ZNF438: variants seen among roughly 807,000 people sequenced by gnomAD.
ZNF438 encodes the protein zinc finger protein 438.
A neutral mutation model predicts 38.0 loss-of-function variants in ZNF438; 25 were observed. That is an observed-to-expected ratio of 0.66 (90% CI 0.48 to 0.92). The LOEUF (loss-of-function observed/expected upper bound fraction) is 0.92. ZNF438 is among the 40% of genes least tolerant of loss of function. The pLI, the probability that ZNF438 is intolerant of heterozygous loss-of-function variation, is 0.00. For synonymous variants in ZNF438, 372 were observed against 364.1 expected (o/e 1.02, Z -0.25); for missense variants, 1,007 against 999.6 (o/e 1.01, Z -0.10).
intron 1 of ZNF438, among the ~76,000 whole-genome samples, chr10:31,026,365 A>G (rs544370529): frequency 2.2e-4 from 32 of 148,752 alleles, no homozygotes; most frequent in South Asian, 1.3e-3. Flanking sequence ...AATATCCACA[A>G]TCTACAAAGA....
chr10:30,922,551 C>T (rs2044420883), intron 2 of ZNF438, among the ~76,000 whole-genome samples: 1 of 152,160 alleles, frequency 6.6e-6, no homozygotes, highest in Non-Finnish European at 1.5e-5. Flanking sequence ...AAACCATTGT[C>T]AGCCAGAAGC....
intron 3 of ZNF438, among the ~76,000 whole-genome samples, chr10:30,894,852 T>C (rs1396624450): frequency 6.6e-6 from 1 of 152,238 alleles, no homozygotes; most frequent in Admixed American, 6.5e-5. Context: ...ACAGTCTTGA[T>C]AGTCTATAAC....
chr10:30,848,015 G>A (rs1051410926), intron 5 of ZNF438, among the ~76,000 whole-genome samples: 8 of 152,204 alleles, frequency 5.3e-5, no homozygotes, highest in African/African-American at 1.7e-4. Flanking sequence ...AGAGGTTTCC[G>A]GCTGGTGAAA....
At chr10:31,000,472 C>A (rs1220899598) in intron 1 of ZNF438, among the ~76,000 whole-genome samples, 4 of 152,206 alleles carry the variant, frequency 2.6e-5, no homozygotes, top group Non-Finnish European at 4.4e-5. Flanking sequence ...TCTCTACCCC[C>A]ACAAAACTCT....
At chr10:30,937,160 C>A (rs183594284) in intron 2 of ZNF438, among the ~76,000 whole-genome samples, 26 of 152,276 alleles carry the variant, frequency 1.7e-4, no homozygotes, top group African/African-American at 6.0e-4. Context: ...AATGGATTGA[C>A]ACCAGCAGGG....
intron 5 of ZNF438, among the ~76,000 whole-genome samples, chr10:30,846,440 G>A (rs1034165594): frequency 6.6e-6 from 1 of 152,228 alleles, no homozygotes; most frequent in Non-Finnish European, 1.5e-5. Context: ...CGCCATGAGA[G>A]CCACTGCGAT....
intron 2 of ZNF438, chr10:30,920,978 C>A (rs892639743): frequency 2.6e-5 from 4 of 152,166 alleles, no homozygotes; most frequent in African/African-American, 9.7e-5. Context: ...CAAATATATT[C>A]AGGGTTTTTC....
intron 4 of ZNF438, among the ~76,000 whole-genome samples, chr10:30,859,371 C>T (rs1449583468): frequency 6.6e-6 from 1 of 152,194 alleles, no homozygotes; most frequent in Non-Finnish European, 1.5e-5. Context: ...AGCCACTGTG[C>T]CCAGCCAAGT....
intron 4 of ZNF438, among the ~76,000 whole-genome samples, chr10:30,857,939 T>C: frequency 6.6e-6 from 1 of 152,256 alleles, no homozygotes; most frequent in East Asian, 1.9e-4. Flanking sequence ...TCTAGATAGC[T>C]ACAAACAGCT....
chr10:31,009,603 A>G (rs1259453032), intron 1 of ZNF438, among the ~76,000 whole-genome samples: 6 of 152,186 alleles, frequency 3.9e-5, no homozygotes, highest in Non-Finnish European at 5.9e-5. Flanking sequence ...CATTAGTCTT[A>G]TAATTTGGCA....
At chr10:30,955,923 T>C (rs1484276764) in intron 1 of ZNF438, among the ~76,000 whole-genome samples, 1 of 152,184 alleles carries the variant, frequency 6.6e-6, no homozygotes, top group Admixed American at 6.6e-5. Flanking sequence ...CAGAAGCAAT[T>C]TGCAAAGTTC....
intron 1 of ZNF438, among the ~76,000 whole-genome samples, chr10:31,010,733 T>A (rs1206663072): frequency 2.7e-5 from 4 of 150,364 alleles, no homozygotes; most frequent in African/African-American, 9.8e-5. Flanking sequence ...AAAAAAAAAA[T>A]TAAAAATTAG....
intron 4 of ZNF438, among the ~76,000 whole-genome samples, chr10:30,874,114 GTATATATATATATA>G (rs58422289): frequency 0.017 from 1,384 of 80,156 alleles, 32 homozygotes; most frequent in Middle Eastern, 0.1. Context: ...GTGTGTGTGT[GTATATATATATATA>G]TATATATATA....
chr10:30,896,932 ATCAC>A (rs1229228163), intron 3 of ZNF438, among the ~76,000 whole-genome samples: 1 of 152,230 alleles, frequency 6.6e-6, no homozygotes, highest in East Asian at 1.9e-4. Context: ...AAAAATGGCA[ATCAC>A]TCAGGGTGTT....
chr10:30,982,263 G>C (rs1044070052), intron 1 of ZNF438, among the ~76,000 whole-genome samples: 12 of 151,844 alleles, frequency 7.9e-5, no homozygotes, highest in African/African-American at 2.7e-4. Flanking sequence ...CACCACGCCT[G>C]GCTAATTTTT....
In ZNF438 at chr10:30,871,192, G is replaced by A. The variant is rs149178681; in HGVS notation, c.37+5806C>T. 5.2e-3 allele frequency among the ~76,000 whole-genome samples: 796 copies of A among 152,322 alleles called. 8 individuals carry two copies. Among genetic ancestry groups the A allele is most frequent in the African/African-American group, 0.018 (755 of 41,574 alleles). The stretch of plus-strand genomic sequence containing the variant: ...GTGTTATTAATTACAACAGCTGCAA[G>A]AGAGGAGCTTAGTTTGGTTTTATTT... On this transcript the variant is annotated intron_variant, in intron 4 of 5. Coordinates refer to ENST00000413025, the Ensembl canonical transcript of ZNF438.
At chr10:30,984,728 A>C (rs1270183853) in intron 1 of ZNF438, among the ~76,000 whole-genome samples, 2 of 152,252 alleles carry the variant, frequency 1.3e-5, no homozygotes, top group Non-Finnish European at 2.9e-5. Flanking sequence ...TTCCATGTGC[A>C]TAATACTGTG....
chr10:30,871,808 G>A (rs1042876153), intron 4 of ZNF438, among the ~76,000 whole-genome samples: 2 of 152,194 alleles, frequency 1.3e-5, no homozygotes, highest in Non-Finnish European at 2.9e-5. Flanking sequence ...GTCAAATCAT[G>A]TAAAGATTTG....
intron 3 of ZNF438, among the ~76,000 whole-genome samples, chr10:30,900,639 A>G (rs966992134): frequency 6.6e-6 from 1 of 152,186 alleles, no homozygotes; most frequent in Admixed American, 6.5e-5. Context: ...TCAGGCAGAG[A>G]GAGATTAAGT....
Sources: allele counts gnomAD v4.1 joint callset (sites outside exome capture counted in the v4.1 genomes callset), GRCh38; gene constraint gnomAD v4.1.1; transcripts MANE v1.5; gene names NCBI Gene and HGNC (gene_info 2026-07-23, HGNC 2026-07-21).